Variants in ADAMTS2 observed in about 807,000 individuals in gnomAD.
The protein encoded by ADAMTS2 is A disintegrin and metalloproteinase with thrombospondin motifs 2.
Under a neutral mutation model 123.0 loss-of-function variants are expected in ADAMTS2, and 50 were observed. The observed-to-expected ratio is 0.41, with a 90% confidence interval of 0.32 to 0.51. The LOEUF (loss-of-function observed/expected upper bound fraction) is 0.51, where lower values mean the gene tolerates loss of function less well. ADAMTS2 is among the 20% of genes least tolerant of loss of function. ADAMTS2 has a pLI of 0.35. For synonymous variants in ADAMTS2, 678 were observed against 695.4 expected, an observed-to-expected ratio of 0.98 and a Z score of 0.39; for missense variants, 1,494 against 1,705.2, an observed-to-expected ratio of 0.88 and a Z score of 2.18.
intron 21 of ADAMTS2, chr5:179,121,387 G>A (rs540554642): frequency 7.3e-6 from 2 of 273,196 alleles, no homozygotes; most frequent in Admixed American, 5.4e-5. Context: ...TTTGGCCACC[G>A]GCCCCTCCTG....
chr5:179,304,244 TTTAAA>T (rs1756610584), intron 2 of ADAMTS2, among the ~76,000 whole-genome samples: 1 of 152,174 alleles, frequency 6.6e-6, no homozygotes. Flanking sequence ...CTCCATAGCA[TTTAAA>T]CAAGATCCAA....
rs1765682778 is a variant in ADAMTS2, at chr5:179,242,051, C to T, written c.688+30860G>A. On this transcript the variant is annotated intron_variant, in intron 3 of 21. Coordinates refer to ENST00000251582, the MANE Select transcript of ADAMTS2 (RefSeq NM_014244.5). This position sits in a 1 kb window ranked among gnomAD's most constrained non-coding sequence, Gnocchi z 4.2. ...CACAGTGATTGGTCCAGGGGGTGAA[C>T]ACATGACTGGAGTGAGACTAATCAT... Among the ~76,000 whole-genome samples, 1 of 152,200 alleles carries T rather than the reference C, an allele frequency of 6.6e-6. No homozygotes were observed. Among genetic ancestry groups the T allele is most frequent in the Non-Finnish European group, 1.5e-5 (1 of 68,036 alleles).
chr5:179,322,844 G>C (rs1191098586), intron 2 of ADAMTS2, among the ~76,000 whole-genome samples: 1 of 152,340 alleles, frequency 6.6e-6, no homozygotes, highest in East Asian at 1.9e-4. Flanking sequence ...TCACACACAA[G>C]CTGGCGCCAG....
intron 2 of ADAMTS2, among the ~76,000 whole-genome samples, chr5:179,278,760 G>A (rs1403992798): frequency 6.6e-6 from 1 of 151,944 alleles, no homozygotes; most frequent in Non-Finnish European, 1.5e-5. Flanking sequence ...GCCACCGCAG[G>A]GGCCCAGAGC....
chr5:179,143,267 C>T (rs1763200715), intron 10 of ADAMTS2, among the ~76,000 whole-genome samples: 1 of 152,034 alleles, frequency 6.6e-6, no homozygotes. Flanking sequence ...AACCCTGTCT[C>T]TATTAAAAAT....
chr5:179,213,287 C>T (rs1323696400), intron 3 of ADAMTS2, among the ~76,000 whole-genome samples: 2 of 152,228 alleles, frequency 1.3e-5, no homozygotes, highest in Non-Finnish European at 2.9e-5. Flanking sequence ...CTGATTTCTC[C>T]CGACAGCACC....
In ADAMTS2 at chr5:179,112,091, T is replaced by C. The variant is rs576537519; in HGVS notation, c.*1776A>G. On this transcript the variant is annotated 3_prime_UTR_variant, in exon 22 of 22. Transcript: ENST00000251582. ...CATCGTCATTTTGTCCCTTGGATCATACACACAGAGCCACCCACATGTGCA... is the reference window on the plus strand; with the variant it reads ...CATCGTCATTTTGTCCCTTGGATCACACACACAGAGCCACCCACATGTGCA... The C allele has an allele frequency of 3.9e-5, 6 of 152,380 alleles. No homozygotes were observed. Among genetic ancestry groups the C allele is most frequent in the Admixed American group, 2.0e-4 (3 of 15,304 alleles). The allele number at this position is 152,380 out of a possible 1,614,324, so 9.4% of individuals were successfully genotyped here.
At chr5:179,343,205 C>T (rs566761207) in intron 2 of ADAMTS2, among the ~76,000 whole-genome samples, 11 of 152,294 alleles carry the variant, frequency 7.2e-5, no homozygotes, top group African/African-American at 2.6e-4. Flanking sequence ...ATTACCCGCA[C>T]GCAAGGAAAC....
intron 2 of ADAMTS2, among the ~76,000 whole-genome samples, chr5:179,283,514 G>T (rs1354606645): frequency 1.3e-5 from 1 of 78,420 alleles, no homozygotes; most frequent in African/African-American, 5.6e-5. Context: ...ACTGAAGGCA[G>T]ACCATATAGA....
In ADAMTS2 at chr5:179,207,016, C is replaced by T. The variant is rs3797614; in HGVS notation, c.891+497G>A. ...GGTGTCTGGCCCTCGCTCTAATGCA[C>T]GTGAATCTCTACTTTAAACAGAAAA... On this transcript the variant is annotated intron_variant, in intron 4 of 21. Coordinates refer to ENST00000251582, the MANE Select transcript of ADAMTS2 (RefSeq NM_014244.5). Among the ~76,000 whole-genome samples, 838 of 152,246 alleles carry T rather than the reference C, an allele frequency of 5.5e-3. 41 individuals are homozygous for T. The East Asian group carries it at 0.11, about 20-fold the overall frequency.
chr5:179,134,201 C>T (rs951755410), intron 13 of ADAMTS2, among the ~76,000 whole-genome samples: 2 of 152,204 alleles, frequency 1.3e-5, no homozygotes, highest in African/African-American at 4.8e-5. Context: ...TCAAAACGTC[C>T]TATGTCTTGA....
chr5:179,326,591 C>G (rs1174339366), intron 2 of ADAMTS2, among the ~76,000 whole-genome samples: 2 of 151,176 alleles, frequency 1.3e-5, no homozygotes, highest in African/African-American at 4.9e-5. Context: ...ACACTGTGGT[C>G]CCTCCTAGCA....
At chr5:179,191,884 G>A (rs1764314603) in intron 4 of ADAMTS2, among the ~76,000 whole-genome samples, 1 of 134,068 alleles carries the variant, frequency 7.5e-6, no homozygotes, top group South Asian at 2.2e-4. Context: ...CGCTCCAGAA[G>A]GGGGTGTGTG....
intron 7 of ADAMTS2, 47 bp from the exon 8 acceptor site, chr5:179,154,239 T>C (rs1301631583): frequency 3.9e-6 from 6 of 1,536,134 alleles, no homozygotes; most frequent in Non-Finnish European, 5.2e-6. Context: ...CACACGGGTC[T>C]GCCAGTCCCA....
chr5:179,320,561 G>A (rs897947623), intron 2 of ADAMTS2, among the ~76,000 whole-genome samples: 1 of 149,600 alleles, frequency 6.7e-6, no homozygotes, highest in African/African-American at 2.5e-5. Flanking sequence ...CTTGTGATCC[G>A]TCCACCTCAG....
rs1040168591 is a variant in ADAMTS2 at position 179,307,909 on chromosome 5, T to C, written c.535-34845A>G. Among the ~76,000 whole-genome samples, 2 of 152,154 alleles carry C rather than the reference T, an allele frequency of 1.3e-5. No individual in the cohort carries two copies. The highest frequency in any genetic ancestry group is 4.8e-5 in the African/African-American group (2 of 41,426). ...ATTTCCCAATCATCGACACGTGGGT[T>C]CTTTATTGGGTCACTCTCTGCCCCC... On this transcript the variant is annotated intron_variant, in intron 2 of 21. Coordinates refer to ENST00000251582, the MANE Select transcript of ADAMTS2 (RefSeq NM_014244.5). The surrounding 1 kb of genome is among the most constrained non-coding windows in gnomAD (Gnocchi z 5.6).
intron 10 of ADAMTS2, among the ~76,000 whole-genome samples, chr5:179,146,706 T>C (rs999864766): frequency 1.6e-4 from 25 of 152,232 alleles, no homozygotes; most frequent in African/African-American, 6.0e-4. Context: ...ATATAAAACC[T>C]TTCTTTTTTG....
At chr5:179,299,381 C>T (rs28469408) in intron 2 of ADAMTS2, among the ~76,000 whole-genome samples, 1,632 of 2,534 alleles carry the variant, frequency 0.64, 685 homozygotes, top group Middle Eastern at 1. Flanking sequence ...TACAAAAAAT[C>T]AGCCGGCCGT....
chr5:179,340,962 G>C (rs1335671841), intron 2 of ADAMTS2, among the ~76,000 whole-genome samples: 1 of 152,202 alleles, frequency 6.6e-6, no homozygotes, highest in Non-Finnish European at 1.5e-5. Flanking sequence ...CTCATGCCTT[G>C]TGCAAAGGGA....
Sources: gnomAD v4.1 joint callset for allele counts (sites outside exome capture counted in the v4.1 genomes callset) on GRCh38, gnomAD v4.1.1 for gene constraint, Gnocchi (gnomAD v3.1) non-coding constraint, MANE v1.5 for transcripts, NCBI Gene and HGNC (gene_info 2026-07-23, HGNC 2026-07-21) for gene names.